KCND2: variants seen among roughly 807,000 people sequenced by gnomAD.
KCND2 encodes A-type voltage-gated potassium channel KCND2.
Under a neutral mutation model 54.4 loss-of-function variants are expected in KCND2, and 16 were observed. The observed-to-expected ratio is 0.29, with a 90% confidence interval of 0.20 to 0.45. The LOEUF (loss-of-function observed/expected upper bound fraction) is 0.45. KCND2 is among the 20% of genes least tolerant of loss of function. KCND2 has a pLI of 1.00. For synonymous variants in KCND2, 317 were observed against 310.7 expected (o/e 1.02, Z -0.21); for missense variants, 486 against 824.2 (o/e 0.59, Z 5.02).
chr7:120,621,276 C>CAAAAAAAAAAAAAAAAAAAAA (rs1175736454), intron 1 of KCND2, among the ~76,000 whole-genome samples: 3 of 47,192 alleles, frequency 6.4e-5, no homozygotes, highest in African/African-American at 1.4e-4. Context: ...GACTCCGTCT[C>CAAAAAAAAAAAAAAAAAAAAA]AAAAAAAAAA....
intron 1 of KCND2, among the ~76,000 whole-genome samples, chr7:120,688,092 C>A (rs1358079397): frequency 5.9e-5 from 9 of 152,080 alleles, no homozygotes; most frequent in African/African-American, 2.2e-4. Flanking sequence ...GGTAAAGCTG[C>A]AAAACTAAAG....
intron 1 of KCND2, among the ~76,000 whole-genome samples, chr7:120,508,052 CT>C (rs1031708082): frequency 4.7e-5 from 7 of 150,228 alleles, no homozygotes; most frequent in African/African-American, 1.2e-4. Flanking sequence ...ATTTCAAAGG[CT>C]TTTTTTTTCT....
chr7:120,400,572 CAATT>C (rs1483434685), intron 1 of KCND2, among the ~76,000 whole-genome samples: 2 of 151,990 alleles, frequency 1.3e-5, no homozygotes, highest in Non-Finnish European at 2.9e-5. Context: ...TTTGTGAAAT[CAATT>C]AATAAAGTAA....
intron 1 of KCND2, among the ~76,000 whole-genome samples, chr7:120,444,049 AC>A (rs1431143206): frequency 6.6e-6 from 1 of 152,038 alleles, no homozygotes; most frequent in Non-Finnish European, 1.5e-5. Flanking sequence ...ACATCTTCAT[AC>A]CCTTATCCAT....
At chr7:120,374,421 G>A (rs905681582) in intron 1 of KCND2, among the ~76,000 whole-genome samples, 6 of 151,432 alleles carry the variant, frequency 4.0e-5, no homozygotes, top group African/African-American at 7.3e-5. Context: ...CCCAACCCCC[G>A]AAAAAGTGGA....
chr7:120,280,151 A>G (rs564504398), intron 1 of KCND2, among the ~76,000 whole-genome samples: 6 of 152,226 alleles, frequency 3.9e-5, no homozygotes, highest in East Asian at 1.9e-4. Context: ...ATACTATGAC[A>G]TATTTGTGTA....
chr7:120,309,466 T>TAC (rs1194649529), intron 1 of KCND2, among the ~76,000 whole-genome samples: 494 of 119,930 alleles, frequency 4.1e-3, no homozygotes, highest in East Asian at 7.7e-3. Context: ...TATATATATA[T>TAC]ATATATATAC....
chr7:120,603,480 G>T (rs890377793), intron 1 of KCND2, among the ~76,000 whole-genome samples: 2 of 152,168 alleles, frequency 1.3e-5, no homozygotes, highest in African/African-American at 4.8e-5. Context: ...ACTATGCTCT[G>T]TATATGCAGT....
chr7:120,562,801 C>A (rs1471576910), intron 1 of KCND2, among the ~76,000 whole-genome samples: 1 of 152,102 alleles, frequency 6.6e-6, no homozygotes, highest in Non-Finnish European at 1.5e-5. Context: ...AGAAACTGCA[C>A]TTGGCTCTAA....
chr7:120,353,385 C>T (rs1021654900), intron 1 of KCND2, among the ~76,000 whole-genome samples: 2 of 151,934 alleles, frequency 1.3e-5, no homozygotes, highest in Non-Finnish European at 2.9e-5. Context: ...GTTTATGCCG[C>T]AGGCTTTTAG....
chr7:120,595,903 G>GAGGC (rs559081173), intron 1 of KCND2, among the ~76,000 whole-genome samples: 1 of 151,644 alleles, frequency 6.6e-6, no homozygotes, highest in African/African-American at 2.4e-5. Flanking sequence ...GGGAGGGAGG[G>GAGGC]AGGCAGGCAG....
intron 1 of KCND2, among the ~76,000 whole-genome samples, chr7:120,391,552 A>C (rs553344789): frequency 6.6e-6 from 1 of 152,096 alleles, no homozygotes; most frequent in African/African-American, 2.4e-5. Flanking sequence ...AAGAGTCCCT[A>C]TTTCTCCGCA....
chr7:120,729,228 C>T (rs1357336153), intron 1 of KCND2, among the ~76,000 whole-genome samples: 3 of 152,210 alleles, frequency 2.0e-5, no homozygotes, highest in Non-Finnish European at 4.4e-5. Flanking sequence ...ATTTCCATTT[C>T]TCCAGGTCAC....
chr7:120,295,559 G>A (rs1193974153), intron 1 of KCND2, among the ~76,000 whole-genome samples: 1 of 152,004 alleles, frequency 6.6e-6, no homozygotes, highest in Non-Finnish European at 1.5e-5. Context: ...TGAAGCATTT[G>A]AGGTTGAATA....
chr7:120,601,886 T>G (rs1401461456), intron 1 of KCND2, among the ~76,000 whole-genome samples: 1 of 152,234 alleles, frequency 6.6e-6, no homozygotes, highest in Non-Finnish European at 1.5e-5. Flanking sequence ...TAGGTTCACC[T>G]GCTCACGTGT....
chr7:120,641,883 G>A (rs1309117636), intron 1 of KCND2, among the ~76,000 whole-genome samples: 3 of 150,788 alleles, frequency 2.0e-5, no homozygotes, highest in Non-Finnish European at 2.9e-5. Flanking sequence ...AAAGCACAGC[G>A]CTTTCAAATC....
At chr7:120,508,224 T>G (rs149652769) in intron 1 of KCND2, among the ~76,000 whole-genome samples, 85 of 152,126 alleles carry the variant, frequency 5.6e-4, no homozygotes, top group Middle Eastern at 3.4e-3. Context: ...AAGAATCACT[T>G]TTTATTATGA....
intron 1 of KCND2, among the ~76,000 whole-genome samples, chr7:120,342,674 A>C (rs1386217008): frequency 6.6e-6 from 1 of 152,184 alleles, no homozygotes; most frequent in Non-Finnish European, 1.5e-5. Flanking sequence ...AAATGTGTGG[A>C]TATATAATAG....
intron 1 of KCND2, among the ~76,000 whole-genome samples, chr7:120,632,107 G>T (rs948558193): frequency 1.3e-5 from 2 of 152,028 alleles, no homozygotes; most frequent in African/African-American, 4.8e-5. Flanking sequence ...ACATAGCATG[G>T]TTTCTATGTG....
Sources: allele counts gnomAD v4.1 joint callset (sites outside exome capture counted in the v4.1 genomes callset), GRCh38; gene constraint gnomAD v4.1.1; transcripts MANE v1.5; gene names NCBI Gene and HGNC (gene_info 2026-07-23, HGNC 2026-07-21).